CPA3: variants seen among roughly 807,000 people sequenced by gnomAD.
CPA3 encodes mast cell carboxypeptidase A.
Under a neutral mutation model 55.8 loss-of-function variants are expected in CPA3, and 52 were observed. The observed-to-expected ratio is 0.93, with a 90% CI of 0.75 to 1.17. The LOEUF (loss-of-function observed/expected upper bound fraction) is 1.17. Ranked by LOEUF, CPA3 falls within the 50% of genes most tolerant of loss-of-function variation. The pLI is 0.00. For missense variants in CPA3, 547 were observed against 509.1 expected, an observed-to-expected ratio of 1.07 and a Z score of -0.72; for synonymous variants, 179 against 171.2, an observed-to-expected ratio of 1.05 and a Z score of -0.36.
At chr3:148,867,970 A>C (rs113496265) in intron 2 of CPA3, among the ~76,000 whole-genome samples, 1 of 152,130 alleles carries the variant, frequency 6.6e-6, no homozygotes, top group East Asian at 1.9e-4. Flanking sequence ...ATCTCGGCTC[A>C]CTGCAACCTC....
At chr3:148,881,737 T>C in intron 7 of CPA3, 105 bp downstream of exon 7, 1 of 505,038 alleles carries the variant, frequency 2.0e-6, no homozygotes, top group Non-Finnish European at 3.3e-6. Context: ...TAATTCTAAT[T>C]CAGAAAAGTA....
At chr3:148,886,587 C>T (rs533266121) in intron 10 of CPA3, among the ~76,000 whole-genome samples, 1 of 151,722 alleles carries the variant, frequency 6.6e-6, no homozygotes, top group East Asian at 1.9e-4. Flanking sequence ...CCCAGTTTCT[C>T]TGGAGGCTGG....
intron 10 of CPA3, among the ~76,000 whole-genome samples, chr3:148,894,575 C>A (rs1460558484): frequency 2.0e-5 from 3 of 151,498 alleles, no homozygotes; most frequent in Non-Finnish European, 4.4e-5. Flanking sequence ...TATAATTCAA[C>A]AATATGCTGT....
intron 3 of CPA3, among the ~76,000 whole-genome samples, chr3:148,872,812 G>A (rs1030790483): frequency 6.6e-6 from 1 of 152,186 alleles, no homozygotes; most frequent in African/African-American, 2.4e-5. Context: ...GAGTGTGGAA[G>A]GTAGGAAAGT....
At chr3:148,886,787 TACATGTAAGTATGGTCTTTTCCCTAGCTG>T (rs1714542899) in intron 10 of CPA3, among the ~76,000 whole-genome samples, 1 of 152,238 alleles carries the variant, frequency 6.6e-6, no homozygotes, top group Non-Finnish European at 1.5e-5. Context: ...TTGCCTTGTC[TACATGTAAGTATGGTCTTTTCCCTAGCTG>T]AAAAACAGCT....
chr3:148,865,608 T>C (rs1713880259), intron 2 of CPA3, 60 bp downstream of exon 2: 3 of 1,420,836 alleles, frequency 2.1e-6, no homozygotes, highest in South Asian at 2.4e-5. Context: ...TGCTTCTTCT[T>C]ATTTTACTGT....
chr3:148,879,760 A>G (rs1469816834), intron 5 of CPA3, 28 bp from the exon 6 acceptor site: 2 of 1,486,268 alleles, frequency 1.3e-6, no homozygotes, highest in Admixed American at 3.3e-5. Flanking sequence ...TTTGTTCAAA[A>G]CAATATCTCA....
intron 6 of CPA3, among the ~76,000 whole-genome samples, chr3:148,880,116 C>G (rs1714321952): frequency 6.6e-6 from 1 of 152,164 alleles, no homozygotes; most frequent in Non-Finnish European, 1.5e-5. Context: ...TTATGAAACT[C>G]ACACTTTTCT....
intron 10 of CPA3, among the ~76,000 whole-genome samples, chr3:148,891,413 G>A (rs370216092): frequency 2.6e-5 from 4 of 151,746 alleles, no homozygotes; most frequent in African/African-American, 7.2e-5. Context: ...CTGGGACGTC[G>A]AGGATACAGT....
chr3:148,887,569 A>G (rs557987137), intron 10 of CPA3, among the ~76,000 whole-genome samples: 2 of 152,302 alleles, frequency 1.3e-5, no homozygotes, highest in East Asian at 3.9e-4. Context: ...TCTATTTGCA[A>G]TGAACAGCCA....
chr3:148,892,893 T>A (rs1019636279), intron 10 of CPA3, among the ~76,000 whole-genome samples: 2 of 104,698 alleles, frequency 1.9e-5, no homozygotes, highest in African/African-American at 6.2e-5. Flanking sequence ...AGGCAGAGGT[T>A]GCAGTGAGCC....
At chr3:148,870,776 G>T (rs765712362) in intron 3 of CPA3, among the ~76,000 whole-genome samples, 2 of 152,090 alleles carry the variant, frequency 1.3e-5, no homozygotes, top group African/African-American at 4.8e-5. Flanking sequence ...CTTCAAAAAT[G>T]TAACTACAAG....
At chr3:148,867,972 T>C (rs1713951214) in intron 2 of CPA3, among the ~76,000 whole-genome samples, 1 of 152,218 alleles carries the variant, frequency 6.6e-6, no homozygotes, top group Non-Finnish European at 1.5e-5. Context: ...CTCGGCTCAC[T>C]GCAACCTCCA....
intron 8 of CPA3, among the ~76,000 whole-genome samples, 171 bp downstream of exon 8, chr3:148,882,766 GTGTGGA>G (rs2108035655): frequency 6.6e-6 from 1 of 152,204 alleles, no homozygotes; most frequent in South Asian, 2.1e-4. Flanking sequence ...ATGTCTTGCT[GTGTGGA>G]AGGAAATGAG....
intron 9 of CPA3, among the ~76,000 whole-genome samples, chr3:148,885,641 A>G (rs895228943): frequency 6.6e-6 from 1 of 151,886 alleles, no homozygotes; most frequent in Non-Finnish European, 1.5e-5. Flanking sequence ...CCATCTCCTG[A>G]CCTCATGATC....
rs1714320644 is a variant in CPA3, at chr3:148,880,037, A to G, written c.576+148A>G. 4 of 534,010 alleles carry G rather than the reference A, an allele frequency of 7.5e-6. No individual in the cohort carries two copies. The East Asian group carries it at 1.2e-4, about 16-fold the overall frequency. 33.1% of individuals were successfully genotyped at this position (534,010 alleles called of 1,614,324 possible). On this transcript the variant is annotated intron_variant, in intron 6 of 10. Coordinates refer to ENST00000296046, the MANE Select transcript of CPA3 (RefSeq NM_001870.4). ...TCAGGGAAGAAACGCTCTGAATTTT[A>G]CTCATCATTACAGTTTTTATGAAAT... is the stretch of plus-strand genomic sequence containing the variant.
chr3:148,883,729 G>T lies in CPA3; in HGVS notation c.895G>T (p.Val299Phe). ...FIRSHLNEIK[V>F]YITFHSYSQM... The stretch of plus-strand genomic sequence containing the variant: ...TAGAAGCCACCTGAATGAAATCAAG[G>T]TTTACATCACCTTCCATTCCTACTC... Residue 299 changes from valine to phenylalanine, a missense_variant, in exon 9 of 11, where the codon GTT (valine) becomes TTT (phenylalanine). Physicochemically the swap from Val to Phe is conservative, Grantham distance 50. Transcript: ENST00000296046. 3 of 1,613,964 alleles carry T rather than the reference G, an allele frequency of 1.9e-6. No individual in the cohort carries two copies. Among genetic ancestry groups the T allele is most frequent in the East Asian group, 2.2e-5 (1 of 44,860 alleles).
intron 2 of CPA3, among the ~76,000 whole-genome samples, chr3:148,868,577 C>T (rs1713970795): frequency 6.6e-6 from 1 of 151,958 alleles, no homozygotes; most frequent in Non-Finnish European, 1.5e-5. Flanking sequence ...GAGGCAGATT[C>T]TGTGGCTAGA....
intron 8 of CPA3, among the ~76,000 whole-genome samples, chr3:148,883,360 C>T (rs993348728): frequency 6.6e-5 from 10 of 152,154 alleles, no homozygotes; most frequent in African/African-American, 2.2e-4. Flanking sequence ...ATTTATTACT[C>T]CTGTGGCCTT....
Sources: gnomAD v4.1 joint callset for allele counts (sites outside exome capture counted in the v4.1 genomes callset) on GRCh38, gnomAD v4.1.1 for gene constraint, MANE v1.5 for transcripts, NCBI Gene and HGNC (gene_info 2026-07-23, HGNC 2026-07-21) for gene names.